The following LRRC17 variants were observed in gnomAD, a reference collection of about 807,000 sequenced individuals.
The protein encoded by LRRC17 is leucine rich repeat containing 17.
LRRC17 carries 33 observed loss-of-function variants against 41.5 expected under a neutral mutation model. That is an observed-to-expected ratio of 0.80 (90% CI 0.60 to 1.06). The LOEUF is 1.06. Among genes scored for constraint, LRRC17 ranks in the 50% least tolerant of loss-of-function variants. The probability of loss-of-function intolerance (pLI) is 0.00; values close to 1 mark genes in which losing one functional copy is unlikely to be tolerated. For missense variants in LRRC17, 491 were observed against 519.3 expected (o/e 0.95, Z 0.53); for synonymous variants, 192 against 197.0 (o/e 0.97, Z 0.21).
At position 102,939,601 on chromosome 7, in the gene LRRC17, T is replaced by G. The variant is rs749936572; in HGVS notation, c.928+16T>G. 1.3e-6 allele frequency: 2 copies of G among 1,595,270 alleles called. No individual in the cohort carries two copies. Among genetic ancestry groups the G allele is most frequent in the Non-Finnish European group, 1.7e-6 (2 of 1,171,154 alleles). On this transcript the variant is annotated intron_variant, in intron 3 of 3. Transcript: ENST00000339431. ...ATCGATCCTGGTAAGTTCCCCTGTA[T>G]AGCCCCTTCAATGGGTGGCAAGTGT...
At chr7:102,940,268 G>C (rs934320731) in intron 3 of LRRC17, among the ~76,000 whole-genome samples, 8 of 150,054 alleles carry the variant, frequency 5.3e-5, no homozygotes, top group African/African-American at 2.0e-4. Flanking sequence ...GGAGTGCAAT[G>C]GTGCAATCTC....
rs752226465 is a variant in LRRC17 at position 102,913,097 on chromosome 7, CA to C, written c.-188del. 6 of 1,614,044 alleles carry C rather than the reference CA, an allele frequency of 3.7e-6. No individual in the cohort carries two copies. Among genetic ancestry groups the C allele is most frequent in the South Asian group, 3.3e-5 (3 of 91,082 alleles). ...ACTGAAAGACAAACCTGGGTGCAGC[CA>C]GAGAGGTCCAGATAGATGAGCTTGT... On this transcript the variant is annotated 5_prime_UTR_variant, in exon 1 of 4. It removes the in-frame stop codon of an upstream open reading frame in the 5' UTR. Coordinates refer to ENST00000339431, the MANE Select transcript of LRRC17 (RefSeq NM_001031692.3).
intron 3 of LRRC17, among the ~76,000 whole-genome samples, chr7:102,943,050 T>G (rs1032541047): frequency 6.6e-6 from 1 of 152,172 alleles, no homozygotes; most frequent in African/African-American, 2.4e-5. Context: ...CCAGCAAAAT[T>G]AAATACATAT....
chr7:102,939,787 T>C (rs575428813), intron 3 of LRRC17, among the ~76,000 whole-genome samples: 11 of 152,234 alleles, frequency 7.2e-5, no homozygotes, highest in South Asian at 4.1e-4. Context: ...TTATGAAGTA[T>C]GTAATACCAC....
intron 1 of LRRC17, among the ~76,000 whole-genome samples, chr7:102,918,892 T>A (rs568675953): frequency 6.6e-6 from 1 of 152,322 alleles, no homozygotes; most frequent in South Asian, 2.1e-4. Flanking sequence ...GTACATATAT[T>A]CATATATATA....
chr7:102,932,043 T>C (rs1819281967), intron 1 of LRRC17: 2 of 1,020,562 alleles, frequency 2.0e-6, no homozygotes, highest in East Asian at 5.3e-5. Context: ...AACAAAAACC[T>C]TGGCAAGTAA....
At chr7:102,937,128 CT>C in intron 2 of LRRC17, among the ~76,000 whole-genome samples, 1 of 152,056 alleles carries the variant, frequency 6.6e-6, no homozygotes, top group Admixed American at 6.5e-5. Context: ...ATATGTAACA[CT>C]GGGTCATCAA....
chr7:102,934,375 CTT>C lies in LRRC17; in HGVS notation c.463_464del (p.Leu155GlufsTer7), dbSNP rs1819861076. On this transcript the variant is annotated frameshift_variant, in exon 2 of 4. Transcript: ENST00000339431. LOFTEE classifies it high-confidence loss of function. ...TEEVFIYTPL[L>X]SYLRLYDNPW... Reference sequence around the variant, plus strand: ...AGGAAGTGTTCATTTACACACCTCTCTTGAGCTACCTGCGTCTTTATGACAAC... The same window carrying C: ...AGGAAGTGTTCATTTACACACCTCTCGAGCTACCTGCGTCTTTATGACAAC... The C allele has an allele frequency of 1.2e-6, 2 of 1,614,074 alleles. No homozygotes were observed. Among genetic ancestry groups the C allele is most frequent in the African/African-American group, 1.3e-5 (1 of 74,936 alleles).
chr7:102,923,858 A>C (rs901798323), intron 1 of LRRC17, among the ~76,000 whole-genome samples: 18 of 152,100 alleles, frequency 1.2e-4, no homozygotes, highest in African/African-American at 4.1e-4. Context: ...AATTTTAGAT[A>C]TATAAGAAGG....
At chr7:102,936,353 G>A (rs1820308910) in intron 2 of LRRC17, 1 of 152,204 alleles carries the variant, frequency 6.6e-6, no homozygotes, top group African/African-American at 2.4e-5. Flanking sequence ...GTGAATCTTG[G>A]TCTATCTGAG....
rs752002315 is a variant in LRRC17 at position 102,913,053 on chromosome 7, A to G, written c.-233A>G. ...CCCATTCTCTGGAGAACTTCCTCAC[A>G]CACCGCAGCAAAGAGAAGACTGAAA... is the stretch of plus-strand genomic sequence containing the variant. On this transcript the variant is annotated 5_prime_UTR_variant, in exon 1 of 4. Transcript: ENST00000339431. 5 of 1,613,750 alleles carry G rather than the reference A, an allele frequency of 3.1e-6. No individual in the cohort carries two copies. The highest frequency in any genetic ancestry group is 8.5e-7 in the Non-Finnish European group (1 of 1,179,850).
At chr7:102,929,663 CAAAAAA>C (rs35025022) in intron 1 of LRRC17, among the ~76,000 whole-genome samples, 9 of 91,482 alleles carry the variant, frequency 9.8e-5, no homozygotes, top group African/African-American at 1.4e-4. Flanking sequence ...GACTCCATCT[CAAAAAA>C]AAAAAAAAAA....
intron 1 of LRRC17, among the ~76,000 whole-genome samples, chr7:102,924,326 C>A (rs1019960084): frequency 5.3e-5 from 8 of 151,818 alleles, no homozygotes; most frequent in Admixed American, 2.0e-4. Context: ...AGTTTGCTGA[C>A]CCCTGATTTA....
At chr7:102,942,442 C>T (rs960720756) in intron 3 of LRRC17, 5 of 1,079,502 alleles carry the variant, frequency 4.6e-6, no homozygotes, top group African/African-American at 3.2e-5. Flanking sequence ...AAAGAAGATA[C>T]CCTACTAGGG....
intron 1 of LRRC17, among the ~76,000 whole-genome samples, chr7:102,922,481 T>A (rs1817242817): frequency 6.6e-6 from 1 of 152,194 alleles, no homozygotes; most frequent in Admixed American, 6.5e-5. Context: ...CATATAAATG[T>A]ATGTGCATTT....
chr7:102,927,777 A>G (rs972140557), intron 1 of LRRC17, among the ~76,000 whole-genome samples: 1 of 152,254 alleles, frequency 6.6e-6, no homozygotes, highest in Non-Finnish European at 1.5e-5. Context: ...AAAATGAAGG[A>G]TTTGAATAGG....
chr7:102,922,807 C>A (rs1023104451), intron 1 of LRRC17, among the ~76,000 whole-genome samples: 1 of 151,058 alleles, frequency 6.6e-6, no homozygotes, highest in Non-Finnish European at 1.5e-5. Flanking sequence ...CCCGTCTCTA[C>A]TAAAAATACA....
chr7:102,914,649 G>A (rs1439480652), intron 1 of LRRC17, among the ~76,000 whole-genome samples: 2 of 152,124 alleles, frequency 1.3e-5, no homozygotes, highest in African/African-American at 4.8e-5. Context: ...ATGCCATAGC[G>A]AATTACTTGA....
At chr7:102,914,238 A>G (rs1815370165) in intron 1 of LRRC17, among the ~76,000 whole-genome samples, 1 of 152,072 alleles carries the variant, frequency 6.6e-6, no homozygotes. Context: ...ATGTCCAGCT[A>G]ATTTTTGTAT....
Sources: gnomAD v4.1 joint callset for allele counts (sites outside exome capture counted in the v4.1 genomes callset) on GRCh38, gnomAD v4.1.1 for gene constraint, MANE v1.5 for transcripts, NCBI Gene and HGNC (gene_info 2026-07-23, HGNC 2026-07-21) for gene names.